The following PAF1 variants were observed in gnomAD, a reference collection of about 807,000 sequenced individuals.
The protein encoded by PAF1 is RNA polymerase II-associated factor 1 homolog.
Under a neutral mutation model 68.4 loss-of-function variants are expected in PAF1, and 31 were observed. The ratio of observed to expected loss-of-function variants is 0.45; its 90% CI spans 0.34 to 0.61. The LOEUF is 0.61. Ranked by LOEUF, PAF1 falls within the 20% of genes least tolerant of loss-of-function variation. The pLI is 0.01. For synonymous variants in PAF1, 256 were observed against 240.5 expected (o/e 1.06, Z -0.60); for missense variants, 435 against 692.9 (o/e 0.63, Z 4.18).
chr19:39,386,515 T>C lies in PAF1; in HGVS notation c.1150A>G (p.Met384Val). 1 of 1,614,134 alleles carries C rather than the reference T, an allele frequency of 6.2e-7. No individual in the cohort carries two copies. The highest frequency in any genetic ancestry group is 8.5e-7 in the Non-Finnish European group (1 of 1,180,014). ...HEPEEEEEEE[M>V]ETEEKEAGGS... ...CCAGCTTCTTTCTCTTCTGTCTCCA[T>C]CTCCTCTTCCTCTTCCTCCTCCGGT... is the stretch of plus-strand genomic sequence containing the variant. The change falls in exon 13 of 14, where the codon ATG becomes GTG. Residue 384 changes from methionine to valine, a missense_variant. By Grantham distance (21) the Met-to-Val change is conservative. This residue lies in a region of PAF1 where 151 missense variants were observed against 306.3 expected (regional missense o/e 0.49). Transcript: ENST00000221265. This position sits in a 1 kb window ranked among gnomAD's most constrained non-coding sequence, Gnocchi z 6.1.
At position 39,389,338 on chromosome 19, in the gene PAF1, C is replaced by T; in HGVS notation, c.405G>A (p.Glu135=). The T allele has an allele frequency of 6.2e-7, 1 of 1,614,198 alleles. No individual in the cohort carries two copies. The highest frequency in any genetic ancestry group is 8.5e-7 in the Non-Finnish European group (1 of 1,180,032). ...AACGGTTGAACTCAGTGGAGATGTA[C>T]TCTGTCTTTCGCATCCATGGCACCA... ...AKVVPWMRKT[E]YISTEFNRYG... is the part of the protein sequence containing the mutation. The change falls in exon 6 of 14, where the codon GAG becomes GAA. Residue 135 remains glutamate, a synonymous_variant. Transcript: ENST00000221265. The surrounding 1 kb of genome is among the most constrained non-coding windows in gnomAD (Gnocchi z 5.3).
rs116177418 is a variant in PAF1, at chr19:39,386,069, G to A, written c.1518C>T (p.Gly506=). 6.8e-4 allele frequency: 1,094 copies of A among 1,613,914 alleles called. 6 individuals carry two copies. In the African/African-American group the frequency reaches 0.013, roughly 19 times the overall value. Residue 506 remains glycine (G), a synonymous_variant, in exon 14 of 14, where the codon GGC becomes GGT. Coordinates refer to ENST00000221265, the MANE Select transcript of PAF1 (RefSeq NM_019088.4). The surrounding 1 kb of genome is among the most constrained non-coding windows in gnomAD (Gnocchi z 6.1). The part of the protein sequence containing the change: ...HSRSASPFPS[G]SEHSAQEDGS... ...CATCCTCCTGGGCCGAGTGCTCGCT[G>A]CCACTGGGGAAGGGACTGGCGCTGC...
Position 39,386,007 on chromosome 19 carries a change from TCAGCTTCACTGGAATCAGAAGCTG to T in PAF1, c.1556_1579del (p.Ala519_Ala526del), listed in dbSNP as rs779174828. 18 of 1,613,540 alleles carry T rather than the reference TCAGCTTCACTGGAATCAGAAGCTG, an allele frequency of 1.1e-5. No homozygotes were observed. Among genetic ancestry groups the T allele is most frequent in the East Asian group, 4.5e-5 (2 of 44,896 alleles). On this transcript the variant is annotated inframe_deletion, in exon 14 of 14. Transcript: ENST00000221265. The surrounding 1 kb of genome is among the most constrained non-coding windows in gnomAD (Gnocchi z 6.1). The stretch of plus-strand genomic sequence containing the variant: ...CCCTGGGACTCAGTCACTGTCACTA[TCAGCTTCACTGGAATCAGAAGCTG>T]CAGCTTCACTGCCATCCTCCTGGGC...
intron 11 of PAF1, 123 bp downstream of exon 11, chr19:39,388,216 C>T (rs1417297947): frequency 3.3e-5 from 30 of 903,484 alleles, no homozygotes; most frequent in Non-Finnish European, 4.7e-5. Context: ...ACATCTGCTG[C>T]TCTTGTTTAC....
chr19:39,389,947 C>T lies in PAF1; in HGVS notation c.170+122G>A, dbSNP rs1291913439. ...GCTTGCTCCATTAACAATTGAGCAG[C>T]TACTACTATGTGCTAGGGTAGGTAC... On this transcript the variant is annotated intron_variant, in intron 3 of 13. Transcript: ENST00000221265. The surrounding 1 kb of genome is among the most constrained non-coding windows in gnomAD (Gnocchi z 5.3). 1.9e-6 allele frequency: 2 copies of T among 1,055,552 alleles called. No individual in the cohort carries two copies. The highest frequency in any genetic ancestry group is 2.4e-5 in the East Asian group (1 of 42,268). The allele number at this position is 1,055,552 out of a possible 1,614,324, so 65.4% of individuals were successfully genotyped here.
intron 11 of PAF1, among the ~76,000 whole-genome samples, chr19:39,387,904 G>A (rs889406146): frequency 2.6e-5 from 4 of 152,152 alleles, no homozygotes; most frequent in Non-Finnish European, 4.4e-5. Flanking sequence ...TTGGGAGGCC[G>A]AGGCAGGCAG....
chr19:39,387,282 G>A (rs1367119213), intron 11 of PAF1: 12 of 335,102 alleles, frequency 3.6e-5, no homozygotes, highest in Non-Finnish European at 6.2e-5. Context: ...CATAGAAAAG[G>A]TATAGTAAAG....
rs2078275228 is a variant in PAF1 at position 39,387,321 on chromosome 19, A to G, written c.987-522T>C. The G allele has an allele frequency of 3.5e-5, 9 of 254,264 alleles. No homozygotes were observed. The South Asian group carries it at 3.7e-4, about 10-fold the overall frequency. 15.8% of individuals were successfully genotyped at this position (254,264 alleles called of 1,614,324 possible). A position where few individuals can be genotyped will look rare whatever the true frequency, so the allele number is the denominator to read the frequency against. On this transcript the variant is annotated intron_variant, in intron 11 of 13. Coordinates refer to ENST00000221265, the MANE Select transcript of PAF1 (RefSeq NM_019088.4). The stretch of plus-strand genomic sequence containing the variant: ...CGGTATTCTATCTTAAGGGACCACC[A>G]TAAGCAGTCCATTGTTGACTGAAAC...
At position 39,388,932 on chromosome 19, in the gene PAF1, C is replaced by T. The variant is rs1442625694; in HGVS notation, c.636+15G>A. 1 of 1,613,914 alleles carries T rather than the reference C, an allele frequency of 6.2e-7. No homozygotes were observed. Among genetic ancestry groups the T allele is most frequent in the Non-Finnish European group, 8.5e-7 (1 of 1,179,796 alleles). Reference sequence around the variant, plus strand: ...AAATAGGCTGTCCCTTTCTACCTCCCACCTTGGGCCTGACCTTAAAGTCTG... The same window carrying T: ...AAATAGGCTGTCCCTTTCTACCTCCTACCTTGGGCCTGACCTTAAAGTCTG... On this transcript the variant is annotated intron_variant, in intron 8 of 13. Coordinates refer to ENST00000221265, the MANE Select transcript of PAF1 (RefSeq NM_019088.4).
intron 11 of PAF1, 35 bp downstream of exon 11, chr19:39,388,304 G>A (rs117544698): frequency 0.023 from 36,911 of 1,612,264 alleles, 487 homozygotes; most frequent in Middle Eastern, 0.045. Flanking sequence ...AAGAAGCACA[G>A]ATCCAGGCTA....
chr19:39,389,560 G>C lies in PAF1; in HGVS notation c.293-14C>G. ...GATCTAGAAGAACTAGAGGAGAGCG[G>C]GGGGCAGGAGGACCATGAGGGAGGC... On this transcript the variant is annotated splice_polypyrimidine_tract_variant and intron_variant, in intron 4 of 13. Transcript: ENST00000221265. The surrounding 1 kb of genome is among the most constrained non-coding windows in gnomAD (Gnocchi z 5.3). 1 of 1,614,176 alleles carries C rather than the reference G, an allele frequency of 6.2e-7. No homozygotes were observed. The highest frequency in any genetic ancestry group is 1.3e-5 in the African/African-American group (1 of 75,046).
Position 39,386,769 on chromosome 19 carries a change from A to T in PAF1, c.1017T>A (p.Ala339=). ...RVRLSKRRAK[A]GVQSGTNALL... ...GGGCGTTGGTGCCTGACTGAACCCC[A>T]GCCTTGGCCCGGCGCTTACTAAGGC... The change falls in exon 12 of 14, where the codon GCT becomes GCA. Residue 339 remains alanine, a synonymous_variant. Coordinates refer to ENST00000221265, the MANE Select transcript of PAF1 (RefSeq NM_019088.4). This position sits in a 1 kb window ranked among gnomAD's most constrained non-coding sequence, Gnocchi z 6.1. 1.2e-6 allele frequency: 2 copies of T among 1,614,108 alleles called. No homozygotes were observed. The highest frequency in any genetic ancestry group is 1.7e-6 in the Non-Finnish European group (2 of 1,179,958).
rs756249298 is a variant in PAF1 at position 39,386,782 on chromosome 19, C to T, written c.1004G>A (p.Arg335His). ...TGACTGAACCCCAGCCTTGGCCCGG[C>T]GCTTACTAAGGCGGACCCTGCAGGG... ...ELETRVRLSK[R>H]RAKAGVQSGT... The change falls in exon 12 of 14, where the codon CGC (arginine) becomes CAC (histidine). Residue 335 changes from arginine to histidine, a missense_variant. Arg to His is a conservative substitution (Grantham distance 29). Transcript: ENST00000221265. This position sits in a 1 kb window ranked among gnomAD's most constrained non-coding sequence, Gnocchi z 6.1. The T allele has an allele frequency of 3.1e-6, 5 of 1,613,662 alleles. No homozygotes were observed. Among genetic ancestry groups the T allele is most frequent in the South Asian group, 2.2e-5 (2 of 91,084 alleles).
At position 39,391,100 on chromosome 19, in the gene PAF1, AG is replaced by A; in HGVS notation, c.-237del. ...GCTCCGGTTCCACCAACTGCCGCCA[AG>A]ACGCTGAGGACCCAACGGGTCTCCT... On this transcript the variant is annotated 5_prime_UTR_variant, in exon 1 of 14. Coordinates refer to ENST00000221265, the MANE Select transcript of PAF1 (RefSeq NM_019088.4). 3.2e-6 allele frequency: 2 copies of A among 634,600 alleles called. No homozygotes were observed. Among genetic ancestry groups the A allele is most frequent in the East Asian group, 5.5e-5 (2 of 36,066 alleles). The allele number at this position is 634,600 out of a possible 1,614,324, so 39.3% of individuals were successfully genotyped here.
chr19:39,390,161 C>A lies in PAF1; in HGVS notation c.78G>T (p.Arg26Ser). The A allele has an allele frequency of 2.5e-6, 4 of 1,613,896 alleles. No individual in the cohort carries two copies. The highest frequency in any genetic ancestry group is 3.4e-6 in the Non-Finnish European group (4 of 1,179,832). The change falls in exon 3 of 14, where the codon AGG becomes AGT. Residue 26 changes from arginine to serine, a missense_variant and splice_region_variant. This residue lies in a region of PAF1 where 38 missense variants were observed against 33.9 expected (regional missense o/e 1.12). Transcript: ENST00000221265. ...RPNSHRTLPE[R>S]SGVVCRVKYC... ...ACTTGACTCGGCAGACCACTCCAGA[C>A]CTAGGAACATTAGTGGCTCAAAAGT... is the stretch of plus-strand genomic sequence containing the variant.
At chr19:39,390,752 A>G in intron 1 of PAF1, 66 bp downstream of exon 1, 3 of 1,490,272 alleles carry the variant, frequency 2.0e-6, no homozygotes, top group Non-Finnish European at 2.8e-6. Context: ...GGGGCTGGTG[A>G]CGTTGTTCAG....
chr19:39,388,332 T>A lies in PAF1; in HGVS notation c.986+7A>T. ...CCAGGCTAATCAGATAGGAGTGTGC[T>A]GAGTACCTGGTTTCCAACTCATTGT... On this transcript the variant is annotated splice_region_variant and intron_variant, in intron 11 of 13. Transcript: ENST00000221265. 6.2e-7 allele frequency: 1 copy of A among 1,614,150 alleles called. No individual in the cohort carries two copies.
chr19:39,390,284 T>A lies in PAF1; in HGVS notation c.53A>T (p.Asn18Ile). 1 of 1,612,510 alleles carries A rather than the reference T, an allele frequency of 6.2e-7. No homozygotes were observed. Among genetic ancestry groups the A allele is most frequent in the Non-Finnish European group, 8.5e-7 (1 of 1,179,254 alleles). Residue 18 changes from asparagine (N) to isoleucine (I), a missense_variant, in exon 2 of 14, where the codon AAT (asparagine) becomes ATT (isoleucine). Around this residue, in one of 7 missense-constraint regions of PAF1, gnomAD observed 38 missense variants for 33.9 expected, o/e 1.12. Coordinates refer to ENST00000221265, the MANE Select transcript of PAF1 (RefSeq NM_019088.4). ...CCTCTCAGGCAGAGTCCGGTGGGAATTGGGCCTAGTGGAGAAGAAAGAAAC... is the reference window on the plus strand; with the variant it reads ...CCTCTCAGGCAGAGTCCGGTGGGAAATGGGCCTAGTGGAGAAGAAAGAAAC... ...QAQREDGHRP[N>I]SHRTLPERSG... is the part of the protein sequence containing the mutation.
In PAF1 at chr19:39,390,844, G is replaced by A; in HGVS notation, c.21C>T (p.Thr7=). 1.3e-6 allele frequency: 2 copies of A among 1,587,378 alleles called. No individual in the cohort carries two copies. Among genetic ancestry groups the A allele is most frequent in the Admixed American group, 1.8e-5 (1 of 56,186 alleles). The change falls in exon 1 of 14, where the codon ACC becomes ACT. Residue 7 remains threonine (T), a synonymous_variant. Coordinates refer to ENST00000221265, the MANE Select transcript of PAF1 (RefSeq NM_019088.4). ...TGTGGCCATCCTCCCGCTGGGCCTGGGTCTGGATGGTGGGCGCCATAGCGA... is the reference window on the plus strand; with the variant it reads ...TGTGGCCATCCTCCCGCTGGGCCTGAGTCTGGATGGTGGGCGCCATAGCGA... MAPTIQ[T]QAQREDGHRP... is the part of the protein sequence containing the mutation.
Sources: gnomAD v4.1 joint callset for allele counts (sites outside exome capture counted in the v4.1 genomes callset) on GRCh38, gnomAD v4.1.1 for gene constraint, gnomAD v4.1.1 regional missense constraint, Gnocchi (gnomAD v3.1) non-coding constraint, MANE v1.5 for transcripts, NCBI Gene and HGNC (gene_info 2026-07-23, HGNC 2026-07-21) for gene names.